HHAT: variants seen among roughly 807,000 people sequenced by gnomAD.
HHAT encodes the protein protein-cysteine N-palmitoyltransferase HHAT.
HHAT carries 47 observed loss-of-function variants against 70.8 expected under a neutral mutation model. The ratio of observed to expected loss-of-function variants is 0.66; its 90% CI spans 0.53 to 0.85. The LOEUF (loss-of-function observed/expected upper bound fraction) is 0.85. Ranked by LOEUF, HHAT falls within the 40% of genes least tolerant of loss-of-function variation. The pLI is 0.00. For missense variants in HHAT, 609 were observed against 604.8 expected, an observed-to-expected ratio of 1.01 and a Z score of -0.07; for synonymous variants, 228 against 247.6, an observed-to-expected ratio of 0.92 and a Z score of 0.74.
intron 8 of HHAT, among the ~76,000 whole-genome samples, chr1:210,466,536 A>T (rs1489728315): frequency 6.6e-6 from 1 of 152,238 alleles, no homozygotes; most frequent in Non-Finnish European, 1.5e-5. Flanking sequence ...AACCTTGCAC[A>T]GTCCCTCTGC....
At chr1:210,387,125 T>G (rs2091133169) in intron 3 of HHAT, among the ~76,000 whole-genome samples, 1 of 152,118 alleles carries the variant, frequency 6.6e-6, no homozygotes, top group African/African-American at 2.4e-5. Flanking sequence ...CTGTTTCATG[T>G]TTTGCAAAAT....
chr1:210,631,708 A>G (rs546537701), intron 11 of HHAT, among the ~76,000 whole-genome samples: 50 of 152,348 alleles, frequency 3.3e-4, no homozygotes, highest in African/African-American at 1.2e-3. Flanking sequence ...GCGGCGCTGG[A>G]AATGCAACAA....
chr1:210,645,290 T>G (rs559846609), intron 11 of HHAT, among the ~76,000 whole-genome samples: 4 of 152,028 alleles, frequency 2.6e-5, no homozygotes, highest in East Asian at 1.9e-4. Context: ...GTATATATAT[T>G]TTTTTGAGAC....
Position 210,572,116 on chromosome 1 carries a change from T to G in HHAT, c.1044-15782T>G, listed in dbSNP as rs375547667. On this transcript the variant is annotated intron_variant, in intron 9 of 11. Coordinates refer to ENST00000261458, the MANE Select transcript of HHAT (RefSeq NM_018194.6). ...GTTGGCTACTGCAGATTTATTGTCA[T>G]TCATGCCCAAGCTCAAGCATTATCA... Among the ~76,000 whole-genome samples the G allele has an allele frequency of 1.8e-4, 28 of 152,334 alleles. No individual in the cohort carries two copies. The East Asian group carries it at 4.6e-3, about 25-fold the overall frequency.
chr1:210,564,482 C>G (rs144543361), intron 9 of HHAT, among the ~76,000 whole-genome samples: 1 of 152,168 alleles, frequency 6.6e-6, no homozygotes, highest in Non-Finnish European at 1.5e-5. Flanking sequence ...GAAGGATGCT[C>G]ATGATTAGGT....
chr1:210,367,085 C>T (rs2089067289), intron 3 of HHAT, among the ~76,000 whole-genome samples: 1 of 152,222 alleles, frequency 6.6e-6, no homozygotes, highest in Non-Finnish European at 1.5e-5. Flanking sequence ...TGACCGCAAA[C>T]AAATGAACAA....
At chr1:210,564,733 TAAG>T (rs1312121800) in intron 9 of HHAT, among the ~76,000 whole-genome samples, 4 of 149,152 alleles carry the variant, frequency 2.7e-5, no homozygotes, top group Non-Finnish European at 5.9e-5. Context: ...ATAGGACAAA[TAAG>T]AGAGAGACAC....
intron 3 of HHAT, among the ~76,000 whole-genome samples, chr1:210,379,984 A>G (rs1160805742): frequency 1.3e-5 from 2 of 152,026 alleles, no homozygotes; most frequent in Non-Finnish European, 2.9e-5. Context: ...TTTTCTCCCT[A>G]CCTGGGGTTA....
At chr1:210,384,648 T>G (rs1189596678) in intron 3 of HHAT, among the ~76,000 whole-genome samples, 1 of 152,178 alleles carries the variant, frequency 6.6e-6, no homozygotes, top group Non-Finnish European at 1.5e-5. Context: ...TCTGCCTGGC[T>G]GAGATTTAGC....
intron 11 of HHAT, among the ~76,000 whole-genome samples, chr1:210,670,575 G>A (rs967571375): frequency 6.6e-6 from 1 of 152,160 alleles, no homozygotes; most frequent in Non-Finnish European, 1.5e-5. Context: ...CGTGGACCTG[G>A]TACCTCAGCA....
intron 11 of HHAT, among the ~76,000 whole-genome samples, chr1:210,640,753 G>T (rs1364802395): frequency 6.6e-6 from 1 of 151,732 alleles, no homozygotes. Context: ...ACAAGGAAAT[G>T]GGAGGCTTAA....
intron 2 of HHAT, among the ~76,000 whole-genome samples, chr1:210,351,637 G>T (rs58469250): frequency 3.9e-5 from 6 of 152,108 alleles, no homozygotes; most frequent in Non-Finnish European, 8.8e-5. Context: ...CTGGTGGCTC[G>T]ATTGGGCTCA....
chr1:210,630,975 T>C (rs74158952), intron 11 of HHAT: 36,034 of 445,594 alleles, frequency 0.081, 1,763 homozygotes, highest in Middle Eastern at 0.14. Context: ...AGCCAACATA[T>C]CTTTGTATTT....
chr1:210,644,312 G>T (rs1673579297), intron 11 of HHAT, among the ~76,000 whole-genome samples: 1 of 152,140 alleles, frequency 6.6e-6, no homozygotes, highest in African/African-American at 2.4e-5. Context: ...CTAAGAAGAA[G>T]TAGCCTTGGG....
chr1:210,478,709 C>G (rs1558598673), intron 8 of HHAT, among the ~76,000 whole-genome samples: 1 of 152,110 alleles, frequency 6.6e-6, no homozygotes, highest in African/African-American at 2.4e-5. Context: ...AGGAATTTTC[C>G]TTATGACAAG....
At chr1:210,659,183 G>T (rs1442294979) in intron 11 of HHAT, among the ~76,000 whole-genome samples, 1 of 152,032 alleles carries the variant, frequency 6.6e-6, no homozygotes, top group East Asian at 1.9e-4. Flanking sequence ...AAATTGATAG[G>T]CCACTAGCAA....
At chr1:210,527,673 A>T (rs967626404) in intron 9 of HHAT, among the ~76,000 whole-genome samples, 3 of 152,186 alleles carry the variant, frequency 2.0e-5, no homozygotes, top group Non-Finnish European at 4.4e-5. Flanking sequence ...GAGGGCCAGA[A>T]TCGTGGGGCT....
At chr1:210,481,141 G>A (rs146748767) in intron 8 of HHAT, among the ~76,000 whole-genome samples, 195 of 151,786 alleles carry the variant, frequency 1.3e-3, no homozygotes, top group African/African-American at 4.5e-3. Context: ...GGGGGACTTG[G>A]AGTTCTGGGG....
chr1:210,382,666 C>G lies in HHAT; in HGVS notation c.160-4802C>G, dbSNP rs1295408059. On this transcript the variant is annotated intron_variant, in intron 3 of 11. Coordinates refer to ENST00000261458, the MANE Select transcript of HHAT (RefSeq NM_018194.6). ...ACGGAGAAGGGAGTGCAATGAGGTC[C>G]ACCTGGGGAGGTAGGTATGGGAAAG... Among the ~76,000 whole-genome samples, 4 of 152,230 alleles carry G rather than the reference C, an allele frequency of 2.6e-5. No individual in the cohort carries two copies. In the East Asian group the frequency reaches 7.7e-4, roughly 29 times the overall value.
Sources: gnomAD v4.1 joint callset for allele counts (sites outside exome capture counted in the v4.1 genomes callset) on GRCh38, gnomAD v4.1.1 for gene constraint, MANE v1.5 for transcripts, NCBI Gene and HGNC (gene_info 2026-07-23, HGNC 2026-07-21) for gene names.